The following LYRM4 variants were observed in gnomAD, a reference collection of about 807,000 sequenced individuals.
LYRM4 encodes the protein LYR motif-containing protein 4.
Under a neutral mutation model 11.7 loss-of-function variants are expected in LYRM4, and 9 were observed. The ratio of observed to expected loss-of-function variants is 0.77; its 90% CI spans 0.46 to 1.34. The LOEUF is 1.34. LYRM4 is among the 40% of genes most tolerant of loss of function. The pLI, the probability that LYRM4 is intolerant of heterozygous loss-of-function variation, is 0.00. For synonymous variants in LYRM4, 42 were observed against 40.4 expected (o/e 1.04, Z -0.15); for missense variants, 133 against 112.5 (o/e 1.18, Z -0.82).
At chr6:5,099,428 T>TCTATCTATCTAC (rs1554124398), downstream of LYRM4, among the ~76,000 whole-genome samples, 29 of 151,574 alleles carry the variant, frequency 1.9e-4, no homozygotes, top group African/African-American at 7.0e-4. This position sits in a 1 kb window ranked among gnomAD's most constrained non-coding sequence, Gnocchi z 4.3. Flanking sequence ...TATCTATCTA[T>TCTATCTATCTAC]ATTTTATAGC....
intron 2 of LYRM4, among the ~76,000 whole-genome samples, chr6:5,169,056 GA>G (rs1195157906): frequency 2.0e-5 from 3 of 152,008 alleles, no homozygotes; most frequent in Non-Finnish European, 2.9e-5. Context: ...AAATTAGGGG[GA>G]AAAAAGACAA....
the LYRM4 span, chr6:5,089,311 G>C: frequency 1.3e-5 from 2 of 152,054 alleles, no homozygotes; most frequent in Non-Finnish European, 2.9e-5. Flanking sequence ...GTACATTATT[G>C]CATAACCATA....
At chr6:5,179,164 G>A (rs1486722667) in intron 2 of LYRM4, among the ~76,000 whole-genome samples, 2 of 150,498 alleles carry the variant, frequency 1.3e-5, no homozygotes, top group African/African-American at 4.9e-5. Flanking sequence ...TTCTTATTGT[G>A]GTAAAATATA....
chr6:5,054,146 A>C, the LYRM4 span: 1 of 984,420 alleles, frequency 1.0e-6, no homozygotes, highest in South Asian at 4.7e-5. Flanking sequence ...CCAGAATCCC[A>C]GTTTGAGTGT....
chr6:5,117,057 A>G (rs1763150118), intron 2 of LYRM4, among the ~76,000 whole-genome samples: 1 of 152,132 alleles, frequency 6.6e-6, no homozygotes, highest in African/African-American at 2.4e-5. Flanking sequence ...CTTCCTGCCT[A>G]TTTCGCAGAG....
rs587777218 is a variant in LYRM4, at chr6:5,216,622, C to A, written c.203G>T (p.Arg68Leu). 1.2e-6 allele frequency: 2 copies of A among 1,613,950 alleles called. No individual in the cohort carries two copies. Among genetic ancestry groups the A allele is most frequent in the Non-Finnish European group, 1.7e-6 (2 of 1,180,004 alleles). The change falls in exon 2 of 3, where the codon CGA becomes CTA. Residue 68 changes from arginine to leucine, a missense_variant. Transcript: ENST00000330636. ...KAKRDLGVIR[R>L]QVHIGQLYST... ...TACATCATTGAACCATCTTACCTGT[C>A]GACGAATTACTCCAAGGTCTCTCTT... is the stretch of plus-strand genomic sequence containing the variant.
the LYRM4 span, chr6:5,033,244 C>T: frequency 2.6e-5 from 4 of 151,742 alleles, no homozygotes; most frequent in Non-Finnish European, 4.4e-5. Flanking sequence ...AAAGCACCAG[C>T]ACTCATTTCA....
In LYRM4 at chr6:5,137,666, T is replaced by C. The variant is rs375964451; in HGVS notation, c.208-28175A>G. Among the ~76,000 whole-genome samples the C allele has an allele frequency of 2.5e-3, 388 of 152,348 alleles. 2 individuals carry two copies. Among genetic ancestry groups the C allele is most frequent in the African/African-American group, 8.4e-3 (351 of 41,588 alleles). On this transcript the variant is annotated intron_variant, in intron 2 of 2. Transcript: ENST00000330636. ...TGTATTTAAGATCATTTCCCCTGAA[T>C]GATGGAGATTTTAATATTCTGCATC...
chr6:5,160,655 C>A (rs1344136474), intron 2 of LYRM4, among the ~76,000 whole-genome samples: 1 of 147,352 alleles, frequency 6.8e-6, no homozygotes. Flanking sequence ...TTATGAGACC[C>A]CCCCCCCAGC....
chr6:5,253,024 G>A (rs1764505870), intron 1 of LYRM4, among the ~76,000 whole-genome samples: 1 of 152,156 alleles, frequency 6.6e-6, no homozygotes, highest in Non-Finnish European at 1.5e-5. Flanking sequence ...CCTTTCTATG[G>A]CCTTTCCTTT....
intron 2 of LYRM4, among the ~76,000 whole-genome samples, chr6:5,153,456 C>T (rs1758208595): frequency 6.6e-6 from 1 of 152,198 alleles, no homozygotes; most frequent in African/African-American, 2.4e-5. Flanking sequence ...TGTGCCTGCC[C>T]AGCTGGGCAG....
chr6:5,209,685 C>T (rs949737375), intron 2 of LYRM4, among the ~76,000 whole-genome samples: 2 of 152,100 alleles, frequency 1.3e-5, no homozygotes, highest in African/African-American at 2.4e-5. Context: ...CATAATTATA[C>T]GGCATAGAAT....
chr6:5,056,448 C>T, the LYRM4 span, among the ~76,000 whole-genome samples: 1 of 152,328 alleles, frequency 6.6e-6, no homozygotes, highest in Middle Eastern at 3.4e-3. Flanking sequence ...AAACTGTCCA[C>T]ACTATGTTAC....
intron 2 of LYRM4, among the ~76,000 whole-genome samples, chr6:5,210,690 CCT>C (rs777595536): frequency 8.0e-4 from 122 of 152,266 alleles, no homozygotes; most frequent in Non-Finnish European, 8.7e-4. Context: ...TCCTCCAGCC[CCT>C]GTTATTCATC....
the LYRM4 span, among the ~76,000 whole-genome samples, chr6:5,070,111 A>G: frequency 6.6e-6 from 1 of 152,224 alleles, no homozygotes; most frequent in African/African-American, 2.4e-5. Context: ...AGATAAGGAA[A>G]CTGCAGCTCA....
chr6:5,109,210 C>T lies in LYRM4; in HGVS notation c.*213G>A, dbSNP rs541229849. 82 of 1,418,704 alleles carry T rather than the reference C, an allele frequency of 5.8e-5. 2 individuals carry two copies. The South Asian group carries it at 1.1e-3, about 19-fold the overall frequency. The allele number at this position is 1,418,704 out of a possible 1,614,324, so 87.9% of individuals were successfully genotyped here. A position where few individuals can be genotyped will look rare whatever the true frequency, so the allele number is the denominator to read the frequency against. On this transcript the variant is annotated 3_prime_UTR_variant, in exon 3 of 3. Coordinates refer to ENST00000330636, the MANE Select transcript of LYRM4 (RefSeq NM_020408.6). Reference sequence around the variant, plus strand: ...ACACAGCACTATTCTGAACGAACTCCAGCTCTCCATTCTAACACTTGAACC... The same window carrying T: ...ACACAGCACTATTCTGAACGAACTCTAGCTCTCCATTCTAACACTTGAACC...
At chr6:5,214,736 T>C (rs114706340) in intron 2 of LYRM4, among the ~76,000 whole-genome samples, 2,994 of 152,338 alleles carry the variant, frequency 0.02, 89 homozygotes, top group African/African-American at 0.067. Context: ...CACTGTGCCT[T>C]ACGCCCTAAC....
At chr6:5,096,929 T>C in the LYRM4 span, among the ~76,000 whole-genome samples, 28 of 118,528 alleles carry the variant, frequency 2.4e-4, no homozygotes, top group Non-Finnish European at 1.5e-4. Flanking sequence ...ATAGTAGCCC[T>C]GAGTGTGCTA....
intron 2 of LYRM4, among the ~76,000 whole-genome samples, chr6:5,157,547 T>G (rs933231101): frequency 6.6e-6 from 1 of 152,122 alleles, no homozygotes; most frequent in African/African-American, 2.4e-5. Flanking sequence ...TCTTACATTT[T>G]CAACAGTATG....
Sources: gnomAD v4.1 joint callset for allele counts (sites outside exome capture counted in the v4.1 genomes callset) on GRCh38, gnomAD v4.1.1 for gene constraint, Gnocchi (gnomAD v3.1) non-coding constraint, MANE v1.5 for transcripts, NCBI Gene and HGNC (gene_info 2026-07-23, HGNC 2026-07-21) for gene names.